ZHX2: variants seen among roughly 807,000 people sequenced by gnomAD.
The protein encoded by ZHX2 is zinc fingers and homeoboxes 2.
In ZHX2, 6 loss-of-function variants were observed where a neutral mutation model predicts 21.9. The ratio of observed to expected loss-of-function variants is 0.27; its 90% CI spans 0.15 to 0.54. The LOEUF (loss-of-function observed/expected upper bound fraction) is 0.54, where lower values mean the gene tolerates loss of function less well. Ranked by LOEUF, ZHX2 falls within the 20% of genes least tolerant of loss-of-function variation. The pLI is 0.95. For synonymous variants in ZHX2, 434 were observed against 437.1 expected (o/e 0.99, Z 0.09); for missense variants, 908 against 1,090.7 (o/e 0.83, Z 2.36).
rs535440168 is a variant in ZHX2, at chr8:122,865,899, G to A, written c.-220+2360G>A. On this transcript the variant is annotated intron_variant, in intron 2 of 3. Coordinates refer to ENST00000314393, the MANE Select transcript of ZHX2 (RefSeq NM_014943.5). ...CAGGGTCAAGGAAGCAATCCCCACC[G>A]GTTAGCACATCCTCTAAGCTGGAGA... Among the ~76,000 whole-genome samples, 10 of 152,286 alleles carry A rather than the reference G, an allele frequency of 6.6e-5. No homozygotes were observed. In the South Asian group the frequency reaches 1.0e-3, roughly 16 times the overall value.
rs536405447 is a variant in ZHX2, at chr8:122,953,488, C to G, written c.1978C>G (p.Gln660Glu). ...GTGGCCTACTCCCCAGGAGTACGAC[C>G]AGTTAGCGGCCAAGACTGGCCTGGT... ...TQWPTPQEYD[Q>E]LAAKTGLVRT... is the part of the protein sequence containing the mutation. The change falls in exon 3 of 4, where the codon CAG becomes GAG. Residue 660 changes from glutamine to glutamate, a missense_variant. Around this residue, in one of 4 missense-constraint regions of ZHX2, gnomAD observed 431 missense variants for 428.6 expected, o/e 1.01. Transcript: ENST00000314393. This position sits in a 1 kb window ranked among gnomAD's most constrained non-coding sequence, Gnocchi z 4.6. 6.2e-7 allele frequency: 1 copy of G among 1,614,214 alleles called. No homozygotes were observed. The highest frequency in any genetic ancestry group is 1.1e-5 in the South Asian group (1 of 91,082).
At chr8:122,835,575 C>T (rs1281182751) in intron 1 of ZHX2, among the ~76,000 whole-genome samples, 2 of 151,986 alleles carry the variant, frequency 1.3e-5, no homozygotes, top group Non-Finnish European at 2.9e-5. Flanking sequence ...GAGAAGACAA[C>T]GAGGAGGCTT....
chr8:122,966,223 T>TC (rs1813582322), intron 3 of ZHX2, among the ~76,000 whole-genome samples: 2 of 152,324 alleles, frequency 1.3e-5, no homozygotes, highest in African/African-American at 4.8e-5. Flanking sequence ...GGTTTTTTTT[T>TC]CACTGTGTTA....
In ZHX2 at chr8:122,952,912, G is replaced by T; in HGVS notation, c.1402G>T (p.Glu468Ter). 1 of 1,614,142 alleles carries T rather than the reference G, an allele frequency of 6.2e-7. No homozygotes were observed. Among genetic ancestry groups the T allele is most frequent in the Non-Finnish European group, 8.5e-7 (1 of 1,180,042 alleles). The part of the protein sequence containing the change: ...FLQSQFPDDA[E>*]VYRLIEVTGL... The stretch of plus-strand genomic sequence containing the variant: ...CCAGAGCCAGTTCCCTGACGATGCC[G>T]AGGTTTACCGGCTCATCGAGGTGAC... The change falls in exon 3 of 4, where the codon GAG (glutamate) becomes TAG (stop). Residue 468 changes from glutamate (E) to a stop codon, truncating the protein, a stop_gained. Coordinates refer to ENST00000314393, the MANE Select transcript of ZHX2 (RefSeq NM_014943.5). LOFTEE classifies it low-confidence loss of function (END_TRUNC). The surrounding 1 kb of genome is among the most constrained non-coding windows in gnomAD (Gnocchi z 6.9).
At chr8:122,954,368 C>T (rs1315123468) in intron 3 of ZHX2, among the ~76,000 whole-genome samples, 1 of 152,084 alleles carries the variant, frequency 6.6e-6, no homozygotes, top group African/African-American at 2.4e-5. Context: ...AGTGCAGTGG[C>T]TCGATCATAG....
intron 2 of ZHX2, among the ~76,000 whole-genome samples, chr8:122,939,526 AC>A (rs2130196556): frequency 6.6e-6 from 1 of 152,240 alleles, no homozygotes; most frequent in African/African-American, 2.4e-5. Flanking sequence ...AGTTGACAGA[AC>A]CCATGAGTGC....
intron 3 of ZHX2, among the ~76,000 whole-genome samples, chr8:122,954,422 C>G (rs767144073): frequency 1.3e-5 from 2 of 152,176 alleles, no homozygotes; most frequent in African/African-American, 2.4e-5. Flanking sequence ...ATCCTCCCCC[C>G]TCAGCTTATC....
chr8:122,968,338 G>T (rs762948774), intron 3 of ZHX2, among the ~76,000 whole-genome samples: 1 of 152,108 alleles, frequency 6.6e-6, no homozygotes, highest in Non-Finnish European at 1.5e-5. Flanking sequence ...TTCAAACCAC[G>T]CAGGGAAGGA....
intron 2 of ZHX2, among the ~76,000 whole-genome samples, chr8:122,946,671 G>A (rs1414780734): frequency 6.6e-6 from 1 of 152,104 alleles, no homozygotes; most frequent in Admixed American, 6.6e-5. Flanking sequence ...TTTTTCTGCA[G>A]GAGGAAAGTG....
chr8:122,829,517 A>C (rs1431045756), intron 1 of ZHX2, among the ~76,000 whole-genome samples: 1 of 152,232 alleles, frequency 6.6e-6, no homozygotes, highest in Non-Finnish European at 1.5e-5. Flanking sequence ...CATACAAATC[A>C]GGGAGAAAAT....
intron 2 of ZHX2, among the ~76,000 whole-genome samples, chr8:122,943,771 T>TAA (rs1459568366): frequency 6.6e-6 from 1 of 152,192 alleles, no homozygotes; most frequent in Non-Finnish European, 1.5e-5. Context: ...GGGTTTGTTC[T>TAA]TCATTGATGT....
chr8:122,812,457 A>G lies in ZHX2; in HGVS notation c.-283+30511A>G, dbSNP rs369393907. Among the ~76,000 whole-genome samples, 35 of 152,284 alleles carry G rather than the reference A, an allele frequency of 2.3e-4. 1 individual carries two copies. The East Asian group carries it at 6.7e-3, about 29-fold the overall frequency. On this transcript the variant is annotated intron_variant, in intron 1 of 3. Coordinates refer to ENST00000314393, the MANE Select transcript of ZHX2 (RefSeq NM_014943.5). ...GAGAAAATTCATACCCAGAGTAGGGAAGCAACTTGCCCAAGGCCACAGAGT... is the reference window on the plus strand; with the variant it reads ...GAGAAAATTCATACCCAGAGTAGGGGAGCAACTTGCCCAAGGCCACAGAGT...
chr8:122,913,614 A>G (rs1820530974), intron 2 of ZHX2, among the ~76,000 whole-genome samples: 1 of 152,184 alleles, frequency 6.6e-6, no homozygotes, highest in Non-Finnish European at 1.5e-5. Flanking sequence ...GTTGCTCCTC[A>G]TGACAGGGAC....
intron 2 of ZHX2, among the ~76,000 whole-genome samples, chr8:122,896,557 A>G (rs897256750): frequency 9.8e-5 from 15 of 152,372 alleles, no homozygotes; most frequent in Non-Finnish European, 1.9e-4. Context: ...CATCTATTAC[A>G]TGTTCAATAT....
At chr8:122,946,626 A>G (rs2130245700) in intron 2 of ZHX2, among the ~76,000 whole-genome samples, 1 of 151,996 alleles carries the variant, frequency 6.6e-6, no homozygotes, top group East Asian at 1.9e-4. Flanking sequence ...AAAAAAAGGT[A>G]TTTCCTCCCC....
intron 1 of ZHX2, among the ~76,000 whole-genome samples, chr8:122,817,374 A>G (rs1818057658): frequency 6.6e-6 from 1 of 152,174 alleles, no homozygotes; most frequent in Non-Finnish European, 1.5e-5. Context: ...CCCACTCAGG[A>G]TCAGTTGCCG....
chr8:122,862,248 A>G (rs1396563559), intron 1 of ZHX2, among the ~76,000 whole-genome samples: 1 of 152,154 alleles, frequency 6.6e-6, no homozygotes, highest in East Asian at 1.9e-4. Context: ...TCCCCCAGAT[A>G]GTGCAGTGGA....
Position 122,927,573 on chromosome 8 carries a change from A to G in ZHX2, c.-219-23719A>G, listed in dbSNP as rs1016884013. Among the ~76,000 whole-genome samples the G allele has an allele frequency of 3.3e-5, 5 of 152,116 alleles. No individual in the cohort carries two copies. The East Asian group carries it at 9.6e-4, about 29-fold the overall frequency. The stretch of plus-strand genomic sequence containing the variant: ...CTCACAGTTCCACATGGCTGGGGAG[A>G]CCTCACAATCATGGCGAAAGAGCAA... On this transcript the variant is annotated intron_variant, in intron 2 of 3. Coordinates refer to ENST00000314393, the MANE Select transcript of ZHX2 (RefSeq NM_014943.5).
chr8:122,816,070 A>C (rs1321167933), intron 1 of ZHX2, among the ~76,000 whole-genome samples: 1 of 116,348 alleles, frequency 8.6e-6, no homozygotes, highest in African/African-American at 3.4e-5. Flanking sequence ...ACAGAGCAAG[A>C]CTCCGTCTCA....
Sources: allele counts gnomAD v4.1 joint callset (sites outside exome capture counted in the v4.1 genomes callset), GRCh38; gene constraint gnomAD v4.1.1; regional missense constraint gnomAD v4.1.1; non-coding constraint Gnocchi (gnomAD v3.1); transcripts MANE v1.5; gene names NCBI Gene and HGNC (gene_info 2026-07-23, HGNC 2026-07-21).